Variants in CACNA2D4 observed in about 807,000 individuals in gnomAD.
CACNA2D4 encodes the protein voltage-dependent calcium channel subunit alpha-2/delta-4.
A neutral mutation model predicts 163.8 loss-of-function variants in CACNA2D4; 157 were observed. The ratio of observed to expected loss-of-function variants is 0.96; its 90% CI spans 0.84 to 1.09. The LOEUF (loss-of-function observed/expected upper bound fraction) is 1.09, where lower values mean the gene tolerates loss of function less well. Ranked by LOEUF, CACNA2D4 falls within the 50% of genes least tolerant of loss-of-function variation. The pLI is 0.00. For synonymous variants in CACNA2D4, 598 were observed against 586.9 expected (o/e 1.02, Z -0.27); for missense variants, 1,410 against 1,479.9 (o/e 0.95, Z 0.78).
Position 1,843,576 on chromosome 12 carries a change from C to T in CACNA2D4, c.2470+826G>A, listed in dbSNP as rs1229631974. Among the ~76,000 whole-genome samples the T allele has an allele frequency of 6.6e-6, 1 of 152,204 alleles. No homozygotes were observed. Among genetic ancestry groups the T allele is most frequent in the African/African-American group, 2.4e-5 (1 of 41,450 alleles). On this transcript the variant is annotated intron_variant, in intron 25 of 37. Transcript: ENST00000382722. This position sits in a 1 kb window ranked among gnomAD's most constrained non-coding sequence, Gnocchi z 4.6. ...AGGGGTGGTGGAGGGGTGGCTGTGC[C>T]ATGCACTCTGGGATCCCTGGACAAG...
chr12:1,846,611 G>A lies in CACNA2D4; in HGVS notation c.2325C>T (p.Ser775=), dbSNP rs749144790. 4.4e-6 allele frequency: 7 copies of A among 1,599,908 alleles called. No individual in the cohort carries two copies. In the Admixed American group the frequency reaches 6.8e-5, roughly 16 times the overall value. The change falls in exon 24 of 38, where the codon TCC becomes TCT. Residue 775 remains serine (S), a synonymous_variant. Transcript: ENST00000382722. ...GLLRSSLFVG[S]EKVSDRKFLT... is the part of the protein sequence containing the mutation. ...CAACCCACCTGTCGGAGACCTTCTC[G>A]GAGCCCACGAACAAGCTGCTTCTCA...
At chr12:1,892,733 C>T (rs563880391) in intron 6 of CACNA2D4, among the ~76,000 whole-genome samples, 1 of 152,162 alleles carries the variant, frequency 6.6e-6, no homozygotes, top group Non-Finnish European at 1.5e-5. Context: ...CAACTATATG[C>T]TGCCTAGAAG....
intron 26 of CACNA2D4, among the ~76,000 whole-genome samples, chr12:1,817,064 C>T (rs894238587): frequency 2.0e-5 from 3 of 152,356 alleles, no homozygotes; most frequent in South Asian, 2.1e-4. Context: ...GTCTTGAGAA[C>T]CTAACCAGGA....
chr12:1,840,913 A>G, intron 25 of CACNA2D4, 94 bp from the exon 26 acceptor site: 4 of 1,077,664 alleles, frequency 3.7e-6, no homozygotes, highest in Non-Finnish European at 5.7e-6. Context: ...TGGGAATAAA[A>G]GCAGGCGAAG....
At chr12:1,809,048 T>C (rs1863628488) in intron 29 of CACNA2D4, among the ~76,000 whole-genome samples, 1 of 152,226 alleles carries the variant, frequency 6.6e-6, no homozygotes, top group Non-Finnish European at 1.5e-5. Context: ...TCTACTCTTG[T>C]GGCTGAGAAC....
At chr12:1,898,055 G>T (rs187249626) in intron 6 of CACNA2D4, among the ~76,000 whole-genome samples, 2 of 151,912 alleles carry the variant, frequency 1.3e-5, no homozygotes, top group African/African-American at 4.8e-5. Flanking sequence ...GAATAAAAAG[G>T]TAAATATAAA....
chr12:1,827,031 C>G (rs1025513626), intron 26 of CACNA2D4, among the ~76,000 whole-genome samples: 18 of 152,226 alleles, frequency 1.2e-4, no homozygotes, highest in Admixed American at 1.0e-3. Context: ...ATCTGGCAAC[C>G]AAGGAAGGTC....
At chr12:1,807,819 G>T (rs1453217806) in intron 29 of CACNA2D4, among the ~76,000 whole-genome samples, 1 of 152,156 alleles carries the variant, frequency 6.6e-6, no homozygotes. Context: ...GGGGGAGCAA[G>T]GGTGAGCCAA....
rs1434567397 is a variant in CACNA2D4 at position 1,820,324 on chromosome 12, T to TCGGCAG, written c.2552-8607_2552-8602dup. 2.0e-5 allele frequency: 3 copies of TCGGCAG among 152,158 alleles called. No individual in the cohort carries two copies. Among genetic ancestry groups the TCGGCAG allele is most frequent in the African/African-American group, 7.2e-5 (3 of 41,404 alleles). The allele number at this position is 152,158 out of a possible 1,614,324, so 9.4% of individuals were successfully genotyped here. A position where few individuals can be genotyped will look rare whatever the true frequency, so the allele number is the denominator to read the frequency against. On this transcript the variant is annotated intron_variant, in intron 26 of 37. Coordinates refer to ENST00000382722, the MANE Select transcript of CACNA2D4 (RefSeq NM_172364.5). The surrounding 1 kb of genome is among the most constrained non-coding windows in gnomAD (Gnocchi z 6.0). ...GAAACCGCTTTCCTCCTCCCTGTGG[T>TCGGCAG]CGGCAGCGATTCATCCACAGGCGCC...
At position 1,792,816 on chromosome 12, in the gene CACNA2D4, G is replaced by C. The variant is rs1385369969; in HGVS notation, c.*839C>G. The C allele has an allele frequency of 6.6e-6, 1 of 152,308 alleles. No homozygotes were observed. The highest frequency in any genetic ancestry group is 2.1e-4 in the South Asian group (1 of 4,824). The allele number at this position is 152,308 out of a possible 1,614,324, so 9.4% of individuals were successfully genotyped here. The stretch of plus-strand genomic sequence containing the variant: ...TTTGTAAATCATTGGCCAGAAAAGA[G>C]CACAACCACTGCTCTTTTTCACTAT... On this transcript the variant is annotated 3_prime_UTR_variant, in exon 38 of 38. Coordinates refer to ENST00000382722, the MANE Select transcript of CACNA2D4 (RefSeq NM_172364.5).
intron 23 of CACNA2D4, among the ~76,000 whole-genome samples, chr12:1,851,082 C>G (rs899099585): frequency 4.0e-5 from 6 of 151,824 alleles, no homozygotes; most frequent in African/African-American, 1.5e-4. Context: ...GGGGTCTTGT[C>G]ATTTTTCACA....
At chr12:1,805,484 C>G (rs1863502870) in intron 29 of CACNA2D4, among the ~76,000 whole-genome samples, 1 of 152,214 alleles carries the variant, frequency 6.6e-6, no homozygotes, top group Non-Finnish European at 1.5e-5. Context: ...TGTGGACACT[C>G]AAGTCCCTGT....
intron 7 of CACNA2D4, 55 bp from the exon 8 acceptor site, chr12:1,886,428 C>T (rs1866148498): frequency 1.3e-6 from 2 of 1,543,436 alleles, no homozygotes; most frequent in East Asian, 4.5e-5. Flanking sequence ...GGAACCAATA[C>T]CTGACCAAGG....
chr12:1,831,004 A>G, intron 26 of CACNA2D4: 1 of 1,614,014 alleles, frequency 6.2e-7, no homozygotes. Flanking sequence ...TGCAAGTGTG[A>G]CAGCCGCAGC....
chr12:1,803,567 A>T (rs192884216), intron 29 of CACNA2D4, among the ~76,000 whole-genome samples: 10 of 152,332 alleles, frequency 6.6e-5, no homozygotes, highest in Admixed American at 5.9e-4. Flanking sequence ...AAACGTAAGG[A>T]TGCAACCCAC....
intron 30 of CACNA2D4, 146 bp from the exon 31 acceptor site, chr12:1,801,264 C>T (rs940843213): frequency 4.2e-6 from 3 of 708,172 alleles, no homozygotes; most frequent in Non-Finnish European, 5.1e-6. Flanking sequence ...ACAGCTCATG[C>T]TGAAAATTAC....
Position 1,799,211 on chromosome 12 carries a change from T to A in CACNA2D4, c.2995+464A>T, listed in dbSNP as rs988400997. On this transcript the variant is annotated intron_variant, in intron 34 of 37. Transcript: ENST00000382722. The surrounding 1 kb of genome is among the most constrained non-coding windows in gnomAD (Gnocchi z 4.7). ...TGGCCACAGCCACCGGGCTTTGTGT[T>A]GGGGCCTCTCATGGTTGCTGCCTCT... Among the ~76,000 whole-genome samples the A allele has an allele frequency of 6.6e-6, 1 of 152,172 alleles. No homozygotes were observed. Among genetic ancestry groups the A allele is most frequent in the Non-Finnish European group, 1.5e-5 (1 of 68,030 alleles).
chr12:1,896,606 A>AAC (rs61535168), intron 6 of CACNA2D4, among the ~76,000 whole-genome samples: 5,906 of 130,580 alleles, frequency 0.045, 149 homozygotes, highest in Middle Eastern at 0.071. Flanking sequence ...GCTATTAATA[A>AAC]ACACACACAC....
chr12:1,802,228 C>T lies in CACNA2D4; in HGVS notation c.2722-584G>A, dbSNP rs547345838. ...CCTGTGGATCGGTCATTTGTCCCCT[C>T]CATGACAATGACCTAACCGGATCCC... is the stretch of plus-strand genomic sequence containing the variant. On this transcript the variant is annotated intron_variant, in intron 29 of 37. Coordinates refer to ENST00000382722, the MANE Select transcript of CACNA2D4 (RefSeq NM_172364.5). This position sits in a 1 kb window ranked among gnomAD's most constrained non-coding sequence, Gnocchi z 4.7. Among the ~76,000 whole-genome samples the T allele has an allele frequency of 6.6e-6, 1 of 152,248 alleles. No individual in the cohort carries two copies. The highest frequency in any genetic ancestry group is 2.4e-5 in the African/African-American group (1 of 41,538).
Sources: gnomAD v4.1 joint callset for allele counts (sites outside exome capture counted in the v4.1 genomes callset) on GRCh38, gnomAD v4.1.1 for gene constraint, Gnocchi (gnomAD v3.1) non-coding constraint, MANE v1.5 for transcripts, NCBI Gene and HGNC (gene_info 2026-07-23, HGNC 2026-07-21) for gene names.